The following LTBP2 variants were observed in gnomAD, a reference collection of about 807,000 sequenced individuals.
LTBP2 encodes the protein latent-transforming growth factor beta-binding protein 2.
LTBP2 carries 103 observed loss-of-function variants against 210.6 expected under a neutral mutation model. The observed-to-expected ratio is 0.49, with a 90% CI of 0.42 to 0.58. LTBP2 has a LOEUF of 0.58. LTBP2 is among the 20% of genes least tolerant of loss of function. The pLI is 0.00. For missense variants in LTBP2, 2,313 were observed against 2,494.5 expected (o/e 0.93, Z 1.55); for synonymous variants, 1,007 against 1,015.0 (o/e 0.99, Z 0.15).
chr14:74,599,535 C>T (rs972444043), intron 2 of LTBP2, among the ~76,000 whole-genome samples: 2 of 152,364 alleles, frequency 1.3e-5, no homozygotes, highest in South Asian at 2.1e-4. Context: ...GGGCAGGGCC[C>T]GGCAGGCCGC....
intron 8 of LTBP2, among the ~76,000 whole-genome samples, chr14:74,538,794 T>C (rs1036293727): frequency 6.6e-6 from 1 of 152,246 alleles, no homozygotes; most frequent in African/African-American, 2.4e-5. Flanking sequence ...GCTCCGGATT[T>C]GCACGTTCCA....
chr14:74,588,198 AGTTTTTGTTGTTGTT>A, intron 2 of LTBP2, among the ~76,000 whole-genome samples: 1 of 152,090 alleles, frequency 6.6e-6, no homozygotes, highest in East Asian at 1.9e-4. Flanking sequence ...TACTGCCATT[AGTTTTTGTTGTTGTT>A]GTTTTTGTTT....
At chr14:74,502,539 T>TA in intron 34 of LTBP2, 114 bp downstream of exon 34, 1 of 1,466,398 alleles carries the variant, frequency 6.8e-7, no homozygotes, top group South Asian at 1.2e-5. Context: ...TGGCTTGGTG[T>TA]GTCTTTCCCC....
chr14:74,509,061 C>T, intron 22 of LTBP2, 109 bp from the exon 23 acceptor site: 2 of 1,573,314 alleles, frequency 1.3e-6, no homozygotes, highest in South Asian at 1.1e-5. Context: ...GAGCTGGACC[C>T]ACGGGGGATC....
chr14:74,580,465 C>T (rs1053939947), intron 3 of LTBP2, among the ~76,000 whole-genome samples: 2 of 152,046 alleles, frequency 1.3e-5, no homozygotes, highest in Non-Finnish European at 2.9e-5. Context: ...ATGACTGAGG[C>T]GGGGTCAAGG....
intron 15 of LTBP2, among the ~76,000 whole-genome samples, chr14:74,524,701 G>A (rs914962022): frequency 3.9e-5 from 6 of 152,066 alleles, no homozygotes; most frequent in African/African-American, 9.7e-5. Flanking sequence ...GTTCCTTCCC[G>A]AAAATCAGCC....
At position 74,565,336 on chromosome 14, in the gene LTBP2, T is replaced by G. The variant is rs535225276; in HGVS notation, c.831-9643A>C. On this transcript the variant is annotated intron_variant, in intron 3 of 35. Coordinates refer to ENST00000261978, the MANE Select transcript of LTBP2 (RefSeq NM_000428.3). Reference sequence around the variant, plus strand: ...CAAGCAGGCCTAGGACATGTTGGGATGGGCATTCTTAAATGATGATTATTG... The same window carrying G: ...CAAGCAGGCCTAGGACATGTTGGGAGGGGCATTCTTAAATGATGATTATTG... Among the ~76,000 whole-genome samples the G allele has an allele frequency of 8.3e-4, 127 of 152,296 alleles. 2 individuals are homozygous for G. The South Asian group carries it at 9.5e-3, about 11-fold the overall frequency.
Position 74,509,341 on chromosome 14 carries a change from C to A in LTBP2, c.3300G>T (p.Pro1100=), listed in dbSNP as rs771009521. Residue 1100 remains proline (P), a synonymous_variant, in exon 22 of 36, where the codon CCG becomes CCT. Coordinates refer to ENST00000261978, the MANE Select transcript of LTBP2 (RefSeq NM_000428.3). ...TGCAGACTCCGGAGGGGCAGACTCCCGGGAAGGCACACTCATCTAGGTCTG... is the reference window on the plus strand; with the variant it reads ...TGCAGACTCCGGAGGGGCAGACTCCAGGGAAGGCACACTCATCTAGGTCTG... ...ACEDLDECAF[P]GVCPSGVCTN... The A allele has an allele frequency of 6.2e-7, 1 of 1,613,524 alleles. No individual in the cohort carries two copies. The highest frequency in any genetic ancestry group is 8.5e-7 in the Non-Finnish European group (1 of 1,179,962).
At position 74,553,055 on chromosome 14, in the gene LTBP2, G is replaced by A. The variant is rs1353165796; in HGVS notation, c.1029C>T (p.Asn343=). ...LEHPSSPWGL[N]LTEKIKKIKI... ...TGATCTTCTTGATTTTCTCCGTGAGGTTCAGCCCTGCAGAGAGAGGGCTTG... is the reference window on the plus strand; with the variant it reads ...TGATCTTCTTGATTTTCTCCGTGAGATTCAGCCCTGCAGAGAGAGGGCTTG... The change falls in exon 5 of 36, where the codon AAC becomes AAT. Residue 343 remains asparagine (N), a synonymous_variant. Coordinates refer to ENST00000261978, the MANE Select transcript of LTBP2 (RefSeq NM_000428.3). The A allele has an allele frequency of 6.2e-7, 1 of 1,614,034 alleles. No homozygotes were observed. The highest frequency in any genetic ancestry group is 2.2e-5 in the East Asian group (1 of 44,906).
chr14:74,602,994 A>T (rs1035505822), intron 2 of LTBP2, among the ~76,000 whole-genome samples: 6 of 152,242 alleles, frequency 3.9e-5, no homozygotes, highest in Non-Finnish European at 2.9e-5. Context: ...TCTGCAGAAC[A>T]TAGGTGCATG....
intron 3 of LTBP2, among the ~76,000 whole-genome samples, chr14:74,573,760 C>T (rs2088017017): frequency 6.6e-6 from 1 of 152,192 alleles, no homozygotes; most frequent in Non-Finnish European, 1.5e-5. Flanking sequence ...CTCTAACTGA[C>T]CCAGACAAGA....
Position 74,508,646 on chromosome 14 carries a change from C to A in LTBP2, c.3610G>T (p.Ala1204Ser). The change falls in exon 24 of 36, where the codon GCG becomes TCG. Residue 1204 changes from alanine (A) to serine (S), a missense_variant. Ala to Ser is a moderately conservative substitution (Grantham distance 99). Around this residue, in one of 3 missense-constraint regions of LTBP2, gnomAD observed 1,867 missense variants for 1,976.9 expected, o/e 0.94. Coordinates refer to ENST00000261978, the MANE Select transcript of LTBP2 (RefSeq NM_000428.3). ...NSHGSFFCLC[A>S]PGFVSAEGGT... ...CCCTCTGCGCTGACGAAGCCAGGCG[C>A]GCACAGACAGAAGAAAGACCCGTGG... 1.2e-6 allele frequency: 2 copies of A among 1,612,620 alleles called. No homozygotes were observed. The highest frequency in any genetic ancestry group is 1.7e-6 in the Non-Finnish European group (2 of 1,179,978).
intron 1 of LTBP2, among the ~76,000 whole-genome samples, chr14:74,608,568 G>A (rs1423888943): frequency 6.6e-6 from 1 of 151,792 alleles, no homozygotes; most frequent in African/African-American, 2.4e-5. Flanking sequence ...AAATTAGCCG[G>A]GTGTGGTGAC....
chr14:74,562,393 T>A (rs1157111943), intron 3 of LTBP2, among the ~76,000 whole-genome samples: 3 of 152,188 alleles, frequency 2.0e-5, no homozygotes, highest in South Asian at 2.1e-4. Context: ...TCATGCTAAG[T>A]GTTTTAGCTA....
At chr14:74,525,766 C>T (rs894900467) in intron 14 of LTBP2, among the ~76,000 whole-genome samples, 4 of 152,152 alleles carry the variant, frequency 2.6e-5, no homozygotes, top group African/African-American at 4.8e-5. Context: ...AGCGACCCAG[C>T]CAAACACCTG....
chr14:74,555,362 C>A (rs914366210), intron 4 of LTBP2, 141 bp downstream of exon 4: 2 of 913,198 alleles, frequency 2.2e-6, no homozygotes, highest in Non-Finnish European at 1.7e-6. Context: ...AGGTGCTCAA[C>A]AAGCGTTTGT....
intron 15 of LTBP2, among the ~76,000 whole-genome samples, chr14:74,524,130 C>T (rs963778249): frequency 6.6e-6 from 1 of 151,746 alleles, no homozygotes; most frequent in African/African-American, 2.4e-5. Flanking sequence ...GCTTGGCCTG[C>T]CCCCTGCCCC....
rs573580799 is a variant in LTBP2, at chr14:74,507,063, C to T, written c.3907+116G>A. The stretch of plus-strand genomic sequence containing the variant: ...TAAGCTCTGCTGGATGGAAAATATA[C>T]AAGCTACAATCAGCTGCAAAAAATC... On this transcript the variant is annotated intron_variant, in intron 26 of 35. Transcript: ENST00000261978. The T allele has an allele frequency of 2.9e-4, 461 of 1,582,172 alleles. 1 individual carries two copies. The African/African-American group carries it at 5.9e-3, about 20-fold the overall frequency.
chr14:74,529,782 T>C (rs926517966), intron 10 of LTBP2, among the ~76,000 whole-genome samples: 3 of 152,356 alleles, frequency 2.0e-5, no homozygotes, highest in Non-Finnish European at 4.4e-5. Flanking sequence ...TTCTTGTACT[T>C]TGAAAATAAA....
Sources: allele counts gnomAD v4.1 joint callset (sites outside exome capture counted in the v4.1 genomes callset), GRCh38; gene constraint gnomAD v4.1.1; regional missense constraint gnomAD v4.1.1; transcripts MANE v1.5; gene names NCBI Gene and HGNC (gene_info 2026-07-23, HGNC 2026-07-21).